The following PLPPR1 variants were observed in gnomAD, a reference collection of about 807,000 sequenced individuals.
PLPPR1 encodes phospholipid phosphatase related 1.
Under a neutral mutation model 33.1 loss-of-function variants are expected in PLPPR1, and 10 were observed. The observed-to-expected ratio is 0.30, with a 90% confidence interval of 0.19 to 0.51. PLPPR1 has a LOEUF of 0.51. Among genes scored for constraint, PLPPR1 ranks in the 20% least tolerant of loss-of-function variants. The pLI is 0.97. For synonymous variants in PLPPR1, 151 were observed against 151.0 expected (o/e 1.00, Z 0.00); for missense variants, 304 against 408.1 (o/e 0.74, Z 2.20).
chr9:101,092,289 A>G lies in PLPPR1; in HGVS notation c.-46+63187A>G. Among the ~76,000 whole-genome samples the G allele has an allele frequency of 1.3e-5, 2 of 152,086 alleles. 1 individual carries two copies. ...TCCCTACTTCCCTATTTCAGAACCT[A>G]TTAATTTTGTGATTTATTGTTGTTG... On this transcript the variant is annotated intron_variant, in intron 1 of 7. Coordinates refer to ENST00000374874, the MANE Select transcript of PLPPR1 (RefSeq NM_207299.2).
intron 7 of PLPPR1, among the ~76,000 whole-genome samples, chr9:101,322,027 G>A (rs577871071): frequency 8.6e-4 from 127 of 148,328 alleles, no homozygotes; most frequent in African/African-American, 2.9e-3. Flanking sequence ...GTGAAACCCC[G>A]TCTCTACTAA....
chr9:101,272,434 A>G (rs1460614939), intron 3 of PLPPR1, among the ~76,000 whole-genome samples: 1 of 152,224 alleles, frequency 6.6e-6, no homozygotes, highest in Non-Finnish European at 1.5e-5. Context: ...AATACCCACA[A>G]AAGCACTCTG....
chr9:101,181,701 T>C (rs952669780), intron 1 of PLPPR1, among the ~76,000 whole-genome samples: 2 of 93,906 alleles, frequency 2.1e-5, no homozygotes, highest in South Asian at 2.8e-4. Context: ...CATACATATA[T>C]ACACACACCA....
chr9:101,036,996 A>G (rs117401016), intron 1 of PLPPR1, among the ~76,000 whole-genome samples: 1 of 152,202 alleles, frequency 6.6e-6, no homozygotes, highest in African/African-American at 2.4e-5. Flanking sequence ...ATCTTATTTA[A>G]TCCTTCTGAT....
At chr9:101,048,664 T>C (rs1280991978) in intron 1 of PLPPR1, among the ~76,000 whole-genome samples, 2 of 152,214 alleles carry the variant, frequency 1.3e-5, no homozygotes, top group Non-Finnish European at 2.9e-5. Flanking sequence ...CACAGAAGCA[T>C]TGATTTTATA....
At chr9:101,177,548 C>T (rs1381512176) in intron 1 of PLPPR1, among the ~76,000 whole-genome samples, 2 of 152,136 alleles carry the variant, frequency 1.3e-5, no homozygotes, top group African/African-American at 4.8e-5. Flanking sequence ...AATCATTCTT[C>T]AAAATAGTTG....
intron 1 of PLPPR1, among the ~76,000 whole-genome samples, chr9:101,180,121 T>TATATATATATATATATATACAC (rs1826078903): frequency 1.8e-5 from 1 of 54,324 alleles, no homozygotes; most frequent in Non-Finnish European, 4.2e-5. Context: ...TATATATATA[T>TATATATATATATATATATACAC]ATATATATAT....
chr9:101,182,227 C>T (rs1020147865), intron 1 of PLPPR1, among the ~76,000 whole-genome samples: 13 of 151,364 alleles, frequency 8.6e-5, no homozygotes, highest in African/African-American at 2.2e-4. Flanking sequence ...ATGATGGTTA[C>T]CAGTGGCTGG....
intron 4 of PLPPR1, among the ~76,000 whole-genome samples, chr9:101,291,681 G>T (rs909926048): frequency 6.6e-6 from 1 of 152,190 alleles, no homozygotes; most frequent in African/African-American, 2.4e-5. Flanking sequence ...AGGCAAACAG[G>T]GTCTGGAGTG....
intron 2 of PLPPR1, among the ~76,000 whole-genome samples, chr9:101,261,201 T>G (rs528137673): frequency 1.3e-5 from 2 of 152,182 alleles, no homozygotes; most frequent in Non-Finnish European, 2.9e-5. Context: ...GATAATATAT[T>G]TAAAGTTACA....
At chr9:101,237,374 A>C (rs1827323563) in intron 2 of PLPPR1, among the ~76,000 whole-genome samples, 1 of 151,580 alleles carries the variant, frequency 6.6e-6, no homozygotes, top group South Asian at 2.1e-4. Flanking sequence ...CTGCGCTGTT[A>C]TATTTATCAC....
At chr9:101,116,627 A>C (rs2118586028) in intron 1 of PLPPR1, among the ~76,000 whole-genome samples, 1 of 152,248 alleles carries the variant, frequency 6.6e-6, no homozygotes, top group South Asian at 2.1e-4. Context: ...ATCCTGGCCA[A>C]GATGGTGAAA....
intron 2 of PLPPR1, among the ~76,000 whole-genome samples, chr9:101,266,853 C>G (rs1314827964): frequency 1.3e-5 from 2 of 152,140 alleles, no homozygotes; most frequent in Non-Finnish European, 2.9e-5. Flanking sequence ...TCATTTACCT[C>G]ATTTTCACTT....
At chr9:101,321,876 C>A (rs1314762363) in intron 7 of PLPPR1, among the ~76,000 whole-genome samples, 1 of 147,420 alleles carries the variant, frequency 6.8e-6, no homozygotes, top group Non-Finnish European at 1.5e-5. Flanking sequence ...ATTACTTAAA[C>A]CTGGTGCCTT....
intron 3 of PLPPR1, among the ~76,000 whole-genome samples, chr9:101,275,566 G>A (rs1039170173): frequency 1.3e-5 from 2 of 152,144 alleles, no homozygotes; most frequent in African/African-American, 4.8e-5. Flanking sequence ...TGCAGGGTAT[G>A]TTCTGACCAC....
intron 1 of PLPPR1, among the ~76,000 whole-genome samples, chr9:101,133,266 G>A (rs1487608963): frequency 6.6e-6 from 1 of 152,018 alleles, no homozygotes; most frequent in African/African-American, 2.4e-5. Context: ...AATAAGCATA[G>A]TTTTCAGCTG....
intron 1 of PLPPR1, among the ~76,000 whole-genome samples, chr9:101,037,120 G>A (rs1830019542): frequency 6.6e-6 from 1 of 152,120 alleles, no homozygotes; most frequent in African/African-American, 2.4e-5. Context: ...TGGGAAGTCA[G>A]CAGTCAGCTC....
chr9:101,251,155 C>G (rs1011815622), intron 2 of PLPPR1, among the ~76,000 whole-genome samples: 1 of 151,964 alleles, frequency 6.6e-6, no homozygotes, highest in Non-Finnish European at 1.5e-5. Flanking sequence ...AAACCGATAG[C>G]CCCCAAATTT....
At chr9:101,288,600 T>C (rs559943098) in intron 4 of PLPPR1, among the ~76,000 whole-genome samples, 7 of 152,326 alleles carry the variant, frequency 4.6e-5, no homozygotes, top group African/African-American at 1.7e-4. Context: ...CCTTCACGCT[T>C]TCCCTCTTTT....
Sources: allele counts gnomAD v4.1 joint callset (sites outside exome capture counted in the v4.1 genomes callset), GRCh38; gene constraint gnomAD v4.1.1; transcripts MANE v1.5; gene names NCBI Gene and HGNC (gene_info 2026-07-23, HGNC 2026-07-21).